Variants in ZHX2 observed in about 807,000 individuals in gnomAD.
ZHX2 encodes zinc fingers and homeoboxes protein 2.
ZHX2 carries 6 observed loss-of-function variants against 21.9 expected under a neutral mutation model. The observed-to-expected ratio is 0.27, with a 90% CI of 0.15 to 0.54. ZHX2 has a LOEUF of 0.54. Among genes scored for constraint, ZHX2 ranks in the 20% least tolerant of loss-of-function variants. ZHX2 has a pLI of 0.95. For missense variants in ZHX2, 908 were observed against 1,090.7 expected, an observed-to-expected ratio of 0.83 and a Z score of 2.36; for synonymous variants, 434 against 437.1, an observed-to-expected ratio of 0.99 and a Z score of 0.09.
chr8:122,932,242 T>A (rs1821012215), intron 2 of ZHX2, among the ~76,000 whole-genome samples: 1 of 152,208 alleles, frequency 6.6e-6, no homozygotes, highest in Non-Finnish European at 1.5e-5. Flanking sequence ...GCTTGCCCAC[T>A]GTATTAGTTT....
intron 3 of ZHX2, among the ~76,000 whole-genome samples, chr8:122,967,779 C>T (rs905466779): frequency 3.3e-5 from 5 of 152,298 alleles, no homozygotes; most frequent in East Asian, 1.9e-4. Flanking sequence ...GGCCTCCAGC[C>T]GGGAGGTGGT....
At chr8:122,945,295 A>C (rs904252522) in intron 2 of ZHX2, among the ~76,000 whole-genome samples, 1 of 152,122 alleles carries the variant, frequency 6.6e-6, no homozygotes, top group Non-Finnish European at 1.5e-5. Context: ...ATTGAGTTGC[A>C]TTCCACTTGC....
At chr8:122,857,034 C>T (rs2130759625) in intron 1 of ZHX2, among the ~76,000 whole-genome samples, 1 of 152,286 alleles carries the variant, frequency 6.6e-6, no homozygotes, top group South Asian at 2.1e-4. Context: ...GCCCCTCCCG[C>T]CACAGCCCAC....
chr8:122,805,661 T>C (rs1817807955), intron 1 of ZHX2, among the ~76,000 whole-genome samples: 1 of 152,250 alleles, frequency 6.6e-6, no homozygotes, highest in African/African-American at 2.4e-5. Context: ...TCTGTCCTAA[T>C]AGAGCTGGCT....
chr8:122,843,218 C>T (rs1818678868), intron 1 of ZHX2, among the ~76,000 whole-genome samples: 1 of 152,226 alleles, frequency 6.6e-6, no homozygotes, highest in Admixed American at 6.5e-5. Flanking sequence ...TGTCCTAAAT[C>T]AGTATTTCTC....
intron 2 of ZHX2, among the ~76,000 whole-genome samples, chr8:122,923,277 G>A (rs1357498922): frequency 6.6e-6 from 1 of 152,188 alleles, no homozygotes; most frequent in Non-Finnish European, 1.5e-5. Flanking sequence ...ACTCCAGGAG[G>A]CCTGGGGGCC....
chr8:122,869,010 A>G (rs187259185), intron 2 of ZHX2, among the ~76,000 whole-genome samples: 1 of 152,346 alleles, frequency 6.6e-6, no homozygotes, highest in Admixed American at 6.5e-5. Flanking sequence ...GGCAGACAAC[A>G]GACAAGTGCA....
At chr8:122,971,612 A>AAAAAAAAAAT (rs1813725841) in intron 3 of ZHX2, among the ~76,000 whole-genome samples, 1 of 33,070 alleles carries the variant, frequency 3.0e-5, no homozygotes, top group Non-Finnish European at 5.2e-5. Context: ...GCCCCTGTAC[A>AAAAAAAAAAT]AAAAAAAAAA....
At chr8:122,949,163 A>G (rs1408467367) in intron 2 of ZHX2, among the ~76,000 whole-genome samples, 4 of 152,102 alleles carry the variant, frequency 2.6e-5, no homozygotes, top group Non-Finnish European at 5.9e-5. Context: ...CATCTCTACT[A>G]AAAATACAAA....
At position 122,953,215 on chromosome 8, in the gene ZHX2, A is replaced by C. The variant is rs752154353; in HGVS notation, c.1705A>C (p.Ser569Arg). 1.1e-5 allele frequency: 17 copies of C among 1,613,800 alleles called. No homozygotes were observed. The African/African-American group carries it at 1.7e-4, about 16-fold the overall frequency. ...TCGGCTAAGGGTGGAGACCAAGCTGAGCAGGAGAGAGATCGACTCCTGGTT... is the reference window on the plus strand; with the variant it reads ...TCGGCTAAGGGTGGAGACCAAGCTGCGCAGGAGAGAGATCGACTCCTGGTT... Reference protein sequence around the residue: ...LDRLRVETKLSRREIDSWFSE... With the variant: ...LDRLRVETKLRRREIDSWFSE... The change falls in exon 3 of 4, where the codon AGC becomes CGC. Residue 569 changes from serine (S) to arginine (R), a missense_variant. Physicochemically the swap from Ser to Arg is moderately radical, Grantham distance 110. Around this residue, in one of 4 missense-constraint regions of ZHX2, gnomAD observed 431 missense variants for 428.6 expected, o/e 1.01. Coordinates refer to ENST00000314393, the MANE Select transcript of ZHX2 (RefSeq NM_014943.5). This position sits in a 1 kb window ranked among gnomAD's most constrained non-coding sequence, Gnocchi z 4.6.
chr8:122,868,400 C>A (rs1157105979), intron 2 of ZHX2, among the ~76,000 whole-genome samples: 1 of 152,122 alleles, frequency 6.6e-6, no homozygotes, highest in African/African-American at 2.4e-5. Flanking sequence ...ATAATCTCAG[C>A]ACTTTGGGAG....
intron 2 of ZHX2, among the ~76,000 whole-genome samples, chr8:122,930,670 A>G (rs567381185): frequency 2.1e-5 from 3 of 142,942 alleles, no homozygotes; most frequent in Non-Finnish European, 4.6e-5. Flanking sequence ...TATTTTTTTC[A>G]GTAGAGATGG....
In ZHX2 at chr8:122,858,781, C is replaced by T. The variant is rs533379998; in HGVS notation, c.-282-4696C>T. ...TCAGCCTCCCCAGTAGCTGGGATTA[C>T]AGGCATGTGCCACTATACCCAGCTA... On this transcript the variant is annotated intron_variant, in intron 1 of 3. Coordinates refer to ENST00000314393, the MANE Select transcript of ZHX2 (RefSeq NM_014943.5). Among the ~76,000 whole-genome samples the T allele has an allele frequency of 5.3e-5, 8 of 152,172 alleles. No individual in the cohort carries two copies. The South Asian group carries it at 1.7e-3, about 32-fold the overall frequency.
At chr8:122,791,132 C>T (rs1379332980) in intron 1 of ZHX2, among the ~76,000 whole-genome samples, 1 of 152,224 alleles carries the variant, frequency 6.6e-6, no homozygotes, top group African/African-American at 2.4e-5. Context: ...CAATCCAGCA[C>T]GGAGGATAAC....
At chr8:122,920,751 T>C (rs1006194543) in intron 2 of ZHX2, among the ~76,000 whole-genome samples, 1 of 152,104 alleles carries the variant, frequency 6.6e-6, no homozygotes, top group Non-Finnish European at 1.5e-5. Context: ...TCTCAGAGAA[T>C]AGAAATGAGA....
At position 122,952,572 on chromosome 8, in the gene ZHX2, C is replaced by G. The variant is rs747313847; in HGVS notation, c.1062C>G (p.Pro354=). 5 of 1,614,082 alleles carry G rather than the reference C, an allele frequency of 3.1e-6. No homozygotes were observed. The East Asian group carries it at 1.1e-4, about 36-fold the overall frequency. ...CTGTGCTGCCCGCCCAGTTGGCCCC[C>G]ACAAAGGTGACGCAGCCCATCCTCC... The part of the protein sequence containing the change: ...TITVLPAQLA[P]TKVTQPILQT... The change falls in exon 3 of 4, where the codon CCC becomes CCG. Residue 354 remains proline, a synonymous_variant. Transcript: ENST00000314393. This position sits in a 1 kb window ranked among gnomAD's most constrained non-coding sequence, Gnocchi z 6.9.
intron 2 of ZHX2, among the ~76,000 whole-genome samples, chr8:122,942,896 C>A (rs577186156): frequency 2.7e-4 from 41 of 152,266 alleles, no homozygotes; most frequent in African/African-American, 9.4e-4. Context: ...TCTTGGGGAG[C>A]CTTACAGAGC....
chr8:122,948,131 T>A (rs541370263), intron 2 of ZHX2, among the ~76,000 whole-genome samples: 41 of 152,212 alleles, frequency 2.7e-4, no homozygotes, highest in Non-Finnish European at 4.4e-4. Context: ...TGGCCAAGTG[T>A]GTCACCGAGC....
intron 1 of ZHX2, among the ~76,000 whole-genome samples, chr8:122,799,672 T>C (rs191989686): frequency 1.3e-5 from 2 of 152,190 alleles, no homozygotes; most frequent in South Asian, 2.1e-4. Flanking sequence ...GGAGGAAGGC[T>C]GAGGGCTCAG....
Sources: allele counts gnomAD v4.1 joint callset (sites outside exome capture counted in the v4.1 genomes callset), GRCh38; gene constraint gnomAD v4.1.1; regional missense constraint gnomAD v4.1.1; non-coding constraint Gnocchi (gnomAD v3.1); transcripts MANE v1.5; gene names NCBI Gene and HGNC (gene_info 2026-07-23, HGNC 2026-07-21).